Variants in SCG5 observed in about 807,000 individuals in gnomAD.
SCG5 encodes secretogranin V.
SCG5 carries 18 observed loss-of-function variants against 25.7 expected under a neutral mutation model. The observed-to-expected ratio is 0.70, with a 90% CI of 0.48 to 1.04. The LOEUF is 1.04. Among genes scored for constraint, SCG5 ranks in the 50% least tolerant of loss-of-function variants. SCG5 has a pLI of 0.00. For synonymous variants in SCG5, 101 were observed against 91.7 expected (o/e 1.10, Z -0.58); for missense variants, 206 against 259.8 (o/e 0.79, Z 1.42).
At chr15:32,693,788 G>A (rs1350706578) in intron 5 of SCG5, among the ~76,000 whole-genome samples, 1 of 152,122 alleles carries the variant, frequency 6.6e-6, no homozygotes, top group Non-Finnish European at 1.5e-5. Flanking sequence ...AAATATAGCA[G>A]TGCCTTGAGT....
intron 5 of SCG5, chr15:32,692,127 A>G: frequency 1.8e-6 from 2 of 1,093,516 alleles, no homozygotes; most frequent in Non-Finnish European, 2.2e-6. Context: ...CTGATCACAC[A>G]TCTGCATCAA....
chr15:32,657,209 A>ATATGTATATATATATATATATATATG (rs2054135290), intron 2 of SCG5, among the ~76,000 whole-genome samples: 1 of 38,726 alleles, frequency 2.6e-5, no homozygotes, highest in Non-Finnish European at 7.1e-5. Flanking sequence ...GTATATATAT[A>ATATGTATATATATATATATATATATG]TATGTATGTA....
intron 2 of SCG5, among the ~76,000 whole-genome samples, chr15:32,663,206 A>G (rs902839287): frequency 1.3e-5 from 2 of 151,302 alleles, no homozygotes; most frequent in African/African-American, 4.9e-5. Flanking sequence ...AAAGTATACA[A>G]TGTAATGGTT....
At chr15:32,641,905 G>C (rs987052783) in intron 1 of SCG5, 127 bp downstream of exon 1, 7 of 152,362 alleles carry the variant, frequency 4.6e-5, no homozygotes, top group African/African-American at 1.7e-4. Context: ...GGATGCGTAG[G>C]GGATTAGAAT....
intron 2 of SCG5, among the ~76,000 whole-genome samples, chr15:32,652,655 A>G (rs12443478): frequency 0.14 from 21,837 of 152,170 alleles, 1,759 homozygotes; most frequent in Middle Eastern, 0.19. Flanking sequence ...TTTTGGCCTC[A>G]GGTGTTTGCA....
At chr15:32,688,455 A>G (rs1445584219) in intron 4 of SCG5, among the ~76,000 whole-genome samples, 1 of 152,206 alleles carries the variant, frequency 6.6e-6, no homozygotes. Context: ...TTGCTTTGTC[A>G]TTCCTGACCT....
At position 32,671,032 on chromosome 15, in the gene SCG5, A is replaced by C. The variant is rs114390389; in HGVS notation, c.227-8734A>C. Among the ~76,000 whole-genome samples the C allele has an allele frequency of 4.0e-3, 608 of 152,308 alleles. 5 individuals carry two copies. Among genetic ancestry groups the C allele is most frequent in the African/African-American group, 0.014 (585 of 41,572 alleles). On this transcript the variant is annotated intron_variant, in intron 2 of 5. Transcript: ENST00000300175. ...CCAGGTACTGAGGTAAGCATTTTAC[A>C]TACAGTATCCGATTTGTATCCTCCC...
At chr15:32,651,493 G>T (rs1023841472) in intron 2 of SCG5, among the ~76,000 whole-genome samples, 2 of 152,210 alleles carry the variant, frequency 1.3e-5, no homozygotes, top group Admixed American at 6.5e-5. Flanking sequence ...GGGACACTCC[G>T]TTTCTGGCTA....
chr15:32,672,137 ATAAGTGAAAACT>A (rs1447621393), intron 2 of SCG5, among the ~76,000 whole-genome samples: 1 of 152,258 alleles, frequency 6.6e-6, no homozygotes, highest in Non-Finnish European at 1.5e-5. Flanking sequence ...TTGTGGTAAC[ATAAGTGAAAACT>A]GCTGGACCCG....
chr15:32,670,827 T>G (rs971145096), intron 2 of SCG5, among the ~76,000 whole-genome samples: 2 of 152,248 alleles, frequency 1.3e-5, no homozygotes, highest in African/African-American at 4.8e-5. Flanking sequence ...GAGGAGGCAC[T>G]GATGTTAGTA....
chr15:32,691,767 A>G lies in SCG5; in HGVS notation c.543+4A>G. The G allele has an allele frequency of 3.1e-6, 5 of 1,612,508 alleles. No homozygotes were observed. Among genetic ancestry groups the G allele is most frequent in the Non-Finnish European group, 4.2e-6 (5 of 1,179,330 alleles). ...AGGAGAGAGACGAAAGCGGAGGGTA[A>G]CACGTGCCTGGCTGGATTGTTGCGG... On this transcript the variant is annotated splice_donor_region_variant and intron_variant, in intron 5 of 5. Coordinates refer to ENST00000300175, the MANE Select transcript of SCG5 (RefSeq NM_001144757.3).
chr15:32,670,930 G>C (rs2054412107), intron 2 of SCG5, among the ~76,000 whole-genome samples: 1 of 152,266 alleles, frequency 6.6e-6, no homozygotes, highest in Non-Finnish European at 1.5e-5. Flanking sequence ...ATTAATTTCG[G>C]CTCTGTTAAT....
chr15:32,689,190 A>G (rs2054794444), intron 4 of SCG5, among the ~76,000 whole-genome samples: 1 of 151,932 alleles, frequency 6.6e-6, no homozygotes, highest in Non-Finnish European at 1.5e-5. Context: ...CTGCTGTTCT[A>G]TTTATTTATT....
intron 2 of SCG5, among the ~76,000 whole-genome samples, chr15:32,656,912 TG>T (rs572879671): frequency 3.3e-5 from 5 of 151,358 alleles, no homozygotes; most frequent in East Asian, 2.0e-4. Context: ...CGGTGGAGGC[TG>T]GGGGGGACTT....
intron 2 of SCG5, 56 bp from the exon 3 acceptor site, chr15:32,679,710 A>G: frequency 6.3e-7 from 1 of 1,578,352 alleles, no homozygotes; most frequent in Non-Finnish European, 8.7e-7. Context: ...CTGAATAAAT[A>G]TTGGTTGAAA....
At chr15:32,686,760 T>C (rs1032554385) in intron 4 of SCG5, among the ~76,000 whole-genome samples, 6 of 152,204 alleles carry the variant, frequency 3.9e-5, no homozygotes, top group Non-Finnish European at 7.3e-5. Context: ...AGATGCTCAG[T>C]ATGCAGGAGT....
intron 2 of SCG5, among the ~76,000 whole-genome samples, chr15:32,663,084 A>T (rs28569322): frequency 7.5e-6 from 1 of 133,748 alleles, no homozygotes; most frequent in East Asian, 2.2e-4. Flanking sequence ...TATATAATAT[A>T]TAATATGTTA....
At chr15:32,679,362 T>C (rs892425281) in intron 2 of SCG5, among the ~76,000 whole-genome samples, 1 of 151,966 alleles carries the variant, frequency 6.6e-6, no homozygotes, top group Non-Finnish European at 1.5e-5. Context: ...GCCTGGCTAG[T>C]TTTTGTATTT....
rs200621705 is a variant in SCG5 at position 32,696,516 on chromosome 15, T to C, written c.546T>C (p.Ser182=). 4.8e-5 allele frequency: 77 copies of C among 1,607,864 alleles called. No individual in the cohort carries two copies. In the East Asian group the frequency reaches 7.1e-4, roughly 15 times the overall value. The change falls in exon 6 of 6, where the codon AGT becomes AGC. Residue 182 remains serine, a splice_region_variant and synonymous_variant. Transcript: ENST00000300175. ...GTTTTTGTTTGTTTGTTTTTCAGAG[T>C]GTCAATCCATATCTACAAGGACAGA... ...MKGGERRKRR[S]VNPYLQGQRL...
Sources: gnomAD v4.1 joint callset for allele counts (sites outside exome capture counted in the v4.1 genomes callset) on GRCh38, gnomAD v4.1.1 for gene constraint, MANE v1.5 for transcripts, NCBI Gene and HGNC (gene_info 2026-07-23, HGNC 2026-07-21) for gene names.